Variants in TEX15 observed in about 807,000 individuals in gnomAD.
TEX15 encodes the protein testis-expressed protein 15.
Under a neutral mutation model 237.3 loss-of-function variants are expected in TEX15, and 171 were observed. The observed-to-expected ratio is 0.72, with a 90% confidence interval of 0.64 to 0.82. The LOEUF is 0.82. Ranked by LOEUF, TEX15 falls within the 40% of genes least tolerant of loss-of-function variation. TEX15 has a pLI of 0.00. For missense variants in TEX15, 3,750 were observed against 3,646.5 expected (o/e 1.03, Z -0.73); for synonymous variants, 1,338 against 1,269.8 (o/e 1.05, Z -1.14).
Position 30,846,439 on chromosome 8 carries a change from A to G in TEX15, c.3728T>C (p.Leu1243Ser), listed in dbSNP as rs1807611683. ...ATGATTCACATCTGTATTACGACTCAAGTCAAAAGAAAGGGAGATTTCAGA... is the reference window on the plus strand; with the variant it reads ...ATGATTCACATCTGTATTACGACTCGAGTCAAAAGAAAGGGAGATTTCAGA... ...SNSEISLSFD[L>S]SRNTDVNHTS... is the part of the protein sequence containing the mutation. The change falls in exon 8 of 11, where the codon TTG (leucine) becomes TCG (serine). Residue 1243 changes from leucine (L) to serine (S), a missense_variant. By Grantham distance (145) the Leu-to-Ser change is moderately radical (BLOSUM62 -2). Coordinates refer to ENST00000643185, the MANE Select transcript of TEX15 (RefSeq NM_001350162.2). 6.2e-7 allele frequency: 1 copy of G among 1,613,196 alleles called. No homozygotes were observed. Among genetic ancestry groups the G allele is most frequent in the African/African-American group, 1.3e-5 (1 of 74,902 alleles).
In TEX15 at chr8:30,843,231, C is replaced by A. The variant is rs770607714; in HGVS notation, c.6936G>T (p.Gln2312His). The change falls in exon 8 of 11, where the codon CAG becomes CAT. Residue 2312 changes from glutamine to histidine, a missense_variant. By Grantham distance (24) the Gln-to-His change is conservative. Coordinates refer to ENST00000643185, the MANE Select transcript of TEX15 (RefSeq NM_001350162.2). ...RVNKCAFSKL[Q>H]KIYDTLSKDL... is the part of the protein sequence containing the mutation. ...CTTTAGACAAAGTATCATATATCTT[C>A]TGCAACTTAGAAAAGGCACATTTAT... is the stretch of plus-strand genomic sequence containing the variant. 1 of 1,613,256 alleles carries A rather than the reference C, an allele frequency of 6.2e-7. No homozygotes were observed.
At chr8:30,909,072 A>G (rs1809166407) in intron 1 of TEX15, among the ~76,000 whole-genome samples, 1 of 152,206 alleles carries the variant, frequency 6.6e-6, no homozygotes, top group Non-Finnish European at 1.5e-5. Context: ...CTTTATTGGC[A>G]AAGTTTCCCC....
Position 30,895,676 on chromosome 8 carries a change from CTTTTTT to C in TEX15, c.-10+3060_-10+3065del, listed in dbSNP as rs34002027. The stretch of plus-strand genomic sequence containing the variant: ...CATGTCAACACCTTTTAAACACATG[CTTTTTT>C]TTTTTTTTTTTTTTTTTTGAGCAGA... On this transcript the variant is annotated intron_variant, in intron 2 of 10. Coordinates refer to ENST00000643185, the MANE Select transcript of TEX15 (RefSeq NM_001350162.2). 2.1e-3 allele frequency among the ~76,000 whole-genome samples: 125 copies of C among 60,048 alleles called. 1 individual carries two copies. Among genetic ancestry groups the C allele is most frequent in the African/African-American group, 9.0e-3 (111 of 12,342 alleles). The allele number at this position is 60,048 out of a possible 152,430, so 39.4% of individuals were successfully genotyped here. A position where few individuals can be genotyped will look rare whatever the true frequency, so the allele number is the denominator to read the frequency against.
At chr8:30,834,060 AG>A (rs540919699) in intron 10 of TEX15, among the ~76,000 whole-genome samples, 114 of 152,364 alleles carry the variant, frequency 7.5e-4, no homozygotes, top group African/African-American at 2.1e-3. Context: ...TTTAATTCAT[AG>A]GTTTGTCCCA....
Position 30,838,056 on chromosome 8 carries a change from G to A in TEX15, c.8228C>T (p.Thr2743Ile). The A allele has an allele frequency of 6.2e-7, 1 of 1,608,142 alleles. No individual in the cohort carries two copies. Among genetic ancestry groups the A allele is most frequent in the Non-Finnish European group, 8.5e-7 (1 of 1,178,116 alleles). ...EKATFKHPRT[T>I]GSHPKSENKI... ...GTTTTCGCTTTTGGGATGAGATCCT[G>A]TAGTCCTATTAGGTGCAACACATAC... The change falls in exon 10 of 11, where the codon ACA (threonine) becomes ATA (isoleucine). Residue 2743 changes from threonine to isoleucine, a missense_variant. Thr to Ile is a moderately conservative substitution (Grantham distance 89). Coordinates refer to ENST00000643185, the MANE Select transcript of TEX15 (RefSeq NM_001350162.2).
intron 7 of TEX15, among the ~76,000 whole-genome samples, chr8:30,850,082 A>AG (rs1182232150): frequency 6.6e-6 from 1 of 151,982 alleles, no homozygotes; most frequent in Admixed American, 6.6e-5. Context: ...CTACCATGGG[A>AG]GAAAAAAAAG....
chr8:30,910,995 G>C (rs1339601624), intron 1 of TEX15, among the ~76,000 whole-genome samples: 2 of 152,068 alleles, frequency 1.3e-5, no homozygotes, highest in African/African-American at 4.8e-5. Context: ...CTGTTAAAAC[G>C]AACTCTCCCT....
At chr8:30,852,249 G>A (rs981194883) in intron 7 of TEX15, among the ~76,000 whole-genome samples, 1 of 151,522 alleles carries the variant, frequency 6.6e-6, no homozygotes, top group East Asian at 2.0e-4. Flanking sequence ...GGGACTACAG[G>A]CGTCCGCCAC....
At chr8:30,857,347 A>C (rs1274533738) in intron 7 of TEX15, among the ~76,000 whole-genome samples, 3 of 152,238 alleles carry the variant, frequency 2.0e-5, no homozygotes, top group Non-Finnish European at 4.4e-5. Flanking sequence ...GTTTAAAAAA[A>C]CAGAAAAATA....
Position 30,841,997 on chromosome 8 carries a change from T to C in TEX15, c.8163+7A>G, listed in dbSNP as rs1238324750. On this transcript the variant is annotated splice_region_variant and intron_variant, in intron 8 of 10. Transcript: ENST00000643185. ...CTTATAAAAGTTTTGTTTTAAAACATACATACCTTTAGCTTTTTACAACTG... is the reference window on the plus strand; with the variant it reads ...CTTATAAAAGTTTTGTTTTAAAACACACATACCTTTAGCTTTTTACAACTG... 3 of 1,556,842 alleles carry C rather than the reference T, an allele frequency of 1.9e-6. No homozygotes were observed. Among genetic ancestry groups the C allele is most frequent in the Non-Finnish European group, 2.6e-6 (3 of 1,155,376 alleles).
chr8:30,838,820 A>ATG (rs1213733490), intron 9 of TEX15, among the ~76,000 whole-genome samples: 2 of 53,296 alleles, frequency 3.8e-5, no homozygotes, highest in East Asian at 6.1e-4. Flanking sequence ...ATATATATAT[A>ATG]TGAATTTTTT....
Position 30,843,016 on chromosome 8 carries a change from A to G in TEX15, c.7151T>C (p.Leu2384Pro). Residue 2384 changes from leucine to proline, a missense_variant, in exon 8 of 11, where the codon CTT becomes CCT. Physicochemically the swap from Leu to Pro is moderately conservative, Grantham distance 98 (BLOSUM62 -3). Coordinates refer to ENST00000643185, the MANE Select transcript of TEX15 (RefSeq NM_001350162.2). ...CAAGGTGAGATCCTGTAATTTTTTAAGGTCTGCAAATTCAGCCTGATCCAA... is the reference window on the plus strand; with the variant it reads ...CAAGGTGAGATCCTGTAATTTTTTAGGGTCTGCAAATTCAGCCTGATCCAA... ...EILDQAEFADLKKLQDLTLRC... is the reference protein window; with the variant it reads ...EILDQAEFADPKKLQDLTLRC... 6.2e-7 allele frequency: 1 copy of G among 1,613,528 alleles called. No individual in the cohort carries two copies. The highest frequency in any genetic ancestry group is 1.1e-5 in the South Asian group (1 of 91,032).
At position 30,848,376 on chromosome 8, in the gene TEX15, G is replaced by C. The variant is rs778733471; in HGVS notation, c.1791C>G (p.Cys597Trp). The change falls in exon 8 of 11, where the codon TGC (cysteine) becomes TGG (tryptophan). Residue 597 changes from cysteine (C) to tryptophan (W), a missense_variant. Coordinates refer to ENST00000643185, the MANE Select transcript of TEX15 (RefSeq NM_001350162.2). ...TGAGTGGAAAAACTGTAGACGTTTG[G>C]CAACCAGTCTGATAAATTGTTTTTA... ...SDLKTIYQTG[C>W]QTSTVFPLKK... 4.3e-6 allele frequency: 7 copies of C among 1,614,054 alleles called. No individual in the cohort carries two copies. The highest frequency in any genetic ancestry group is 2.2e-5 in the East Asian group (1 of 44,882).
At chr8:30,857,500 T>C (rs185282351) in intron 7 of TEX15, among the ~76,000 whole-genome samples, 132 of 152,188 alleles carry the variant, frequency 8.7e-4, no homozygotes, top group Non-Finnish European at 1.7e-3. Context: ...GAGAAGACAC[T>C]CGCAACACAT....
chr8:30,894,727 AAAGAT>A (rs1395873824), intron 2 of TEX15, among the ~76,000 whole-genome samples: 1 of 152,246 alleles, frequency 6.6e-6, no homozygotes, highest in Non-Finnish European at 1.5e-5. Context: ...GTCAAAGATT[AAAGAT>A]AAGAGTTAAA....
intron 5 of TEX15, among the ~76,000 whole-genome samples, chr8:30,865,109 T>C (rs1808132682): frequency 6.6e-6 from 1 of 151,356 alleles, no homozygotes; most frequent in Non-Finnish European, 1.5e-5. Flanking sequence ...AAGACCCAAA[T>C]AAATAAAATC....
intron 3 of TEX15, among the ~76,000 whole-genome samples, chr8:30,879,967 A>G (rs1380459934): frequency 6.6e-6 from 1 of 150,802 alleles, no homozygotes; most frequent in Non-Finnish European, 1.5e-5. Context: ...TTTATAGTTT[A>G]TAACATAGAA....
intron 3 of TEX15, among the ~76,000 whole-genome samples, chr8:30,877,552 T>C (rs1177572222): frequency 6.6e-6 from 1 of 152,200 alleles, no homozygotes; most frequent in Admixed American, 6.5e-5. Flanking sequence ...TTCATTTTAG[T>C]ATTTGTAATA....
intron 7 of TEX15, among the ~76,000 whole-genome samples, chr8:30,856,484 G>A (rs750594902): frequency 7.2e-5 from 11 of 152,036 alleles, no homozygotes; most frequent in Middle Eastern, 3.2e-3. Flanking sequence ...AGCTTGGGAG[G>A]CGGAGGCTGC....
Sources: allele counts gnomAD v4.1 joint callset (sites outside exome capture counted in the v4.1 genomes callset), GRCh38; gene constraint gnomAD v4.1.1; transcripts MANE v1.5; gene names NCBI Gene and HGNC (gene_info 2026-07-23, HGNC 2026-07-21).